DAAM2: variants seen among roughly 807,000 people sequenced by gnomAD.
The protein encoded by DAAM2 is disheveled-associated activator of morphogenesis 2.
A neutral mutation model predicts 120.7 loss-of-function variants in DAAM2; 39 were observed. The observed-to-expected ratio is 0.32, with a 90% CI of 0.25 to 0.42. DAAM2 has a LOEUF of 0.42. Among genes scored for constraint, DAAM2 ranks in the 10% least tolerant of loss-of-function variants. DAAM2 has a pLI of 1.00. For synonymous variants in DAAM2, 488 were observed against 524.9 expected, an observed-to-expected ratio of 0.93 and a Z score of 0.96; for missense variants, 1,283 against 1,401.7, an observed-to-expected ratio of 0.92 and a Z score of 1.35.
intron 1 of DAAM2, among the ~76,000 whole-genome samples, chr6:39,813,811 C>A (rs143724369): frequency 6.6e-6 from 1 of 152,318 alleles, no homozygotes; most frequent in African/African-American, 2.4e-5. Context: ...TTTCTCTCCA[C>A]ATACATTGTA....
In DAAM2 at chr6:39,891,380, C is replaced by A; in HGVS notation, c.2185C>A (p.Leu729Met). The A allele has an allele frequency of 6.2e-7, 1 of 1,611,408 alleles. No individual in the cohort carries two copies. Reference protein sequence around the residue: ...FIPEKSDIDLLEEHKHEIERM... With the variant: ...FIPEKSDIDLMEEHKHEIERM... ...CCCAGAGAAGAGTGACATTGACCTC[C>A]TGGAGGAGCACAAGCATGAAATTGA... is the stretch of plus-strand genomic sequence containing the variant. The change falls in exon 18 of 25, where the codon CTG becomes ATG. Residue 729 changes from leucine (L) to methionine (M), a missense_variant. Coordinates refer to ENST00000274867, the MANE Select transcript of DAAM2 (RefSeq NM_001201427.2).
intron 19 of DAAM2, among the ~76,000 whole-genome samples, chr6:39,893,726 C>T (rs1444520241): frequency 1.3e-5 from 2 of 152,144 alleles, no homozygotes; most frequent in African/African-American, 4.8e-5. Context: ...CCTCTAAGAG[C>T]TAGATAGGAA....
At chr6:39,867,431 CAGGTA>C in intron 5 of DAAM2, 74 bp from the exon 6 acceptor site, 1 of 1,395,452 alleles carries the variant, frequency 7.2e-7, no homozygotes, top group African/African-American at 1.4e-5. Flanking sequence ...TGGTGGTACA[CAGGTA>C]AGGGGGTAAC....
In DAAM2 at chr6:39,890,098, A is replaced by G. The variant is rs574318453; in HGVS notation, c.2146-1243A>G. On this transcript the variant is annotated intron_variant, in intron 17 of 24. Transcript: ENST00000274867. ...AGGTGAGATGGTGCCATTGCACTCC[A>G]GCCTGGGCAACAGAGTGAGACTCCA... Among the ~76,000 whole-genome samples, 5 of 152,050 alleles carry G rather than the reference A, an allele frequency of 3.3e-5. No homozygotes were observed. In the South Asian group the frequency reaches 1.0e-3, roughly 32 times the overall value.
intron 1 of DAAM2, among the ~76,000 whole-genome samples, chr6:39,816,684 A>G (rs1179734468): frequency 6.6e-6 from 1 of 152,184 alleles, no homozygotes; most frequent in Non-Finnish European, 1.5e-5. Flanking sequence ...GGATTTATTC[A>G]TTGAGAAGAA....
In DAAM2 at chr6:39,878,019, A is replaced by G. The variant is rs1445016005; in HGVS notation, c.1302-184A>G. On this transcript the variant is annotated intron_variant, in intron 11 of 24. Coordinates refer to ENST00000274867, the MANE Select transcript of DAAM2 (RefSeq NM_001201427.2). This position sits in a 1 kb window ranked among gnomAD's most constrained non-coding sequence, Gnocchi z 5.0. The stretch of plus-strand genomic sequence containing the variant: ...TTTCTCTCACGGTCTCCACAGACAC[A>G]TAATGTGAACGGGGCAGGGGACCTG... 6.6e-6 allele frequency among the ~76,000 whole-genome samples: 1 copy of G among 152,172 alleles called. No homozygotes were observed. Among genetic ancestry groups the G allele is most frequent in the African/African-American group, 2.4e-5 (1 of 41,452 alleles).
In DAAM2 at chr6:39,855,916, G is replaced by A. The variant is rs538612656; in HGVS notation, c.-56-331G>A. 8.3e-6 allele frequency: 4 copies of A among 482,958 alleles called. No homozygotes were observed. The South Asian group carries it at 2.6e-4, about 32-fold the overall frequency. The allele number at this position is 482,958 out of a possible 1,614,324, so 29.9% of individuals were successfully genotyped here. On this transcript the variant is annotated intron_variant, in intron 1 of 24. Transcript: ENST00000274867. ...ATAGGAGCCCGTCCACACATTTATG[G>A]AAAGTCAGCTCTGGTCACATGGAAG...
rs73428542 is a variant in DAAM2, at chr6:39,818,303, C to T, written c.-57+25838C>T. Among the ~76,000 whole-genome samples the T allele has an allele frequency of 7.4e-3, 1,120 of 152,008 alleles. 12 individuals carry two copies. Among genetic ancestry groups the T allele is most frequent in the African/African-American group, 0.025 (1,043 of 41,432 alleles). ...ACCCTTCATATTTTCAGCGAATGGG[C>T]CAAAGTTAGCCACATGACTCCACCC... On this transcript the variant is annotated intron_variant, in intron 1 of 24. Coordinates refer to ENST00000274867, the MANE Select transcript of DAAM2 (RefSeq NM_001201427.2).
In DAAM2 at chr6:39,887,589, C is replaced by T. The variant is rs891415844; in HGVS notation, c.2057C>T (p.Ser686Phe). The T allele has an allele frequency of 6.6e-5, 107 of 1,609,032 alleles. No individual in the cohort carries two copies. The highest frequency in any genetic ancestry group is 8.7e-5 in the Non-Finnish European group (102 of 1,175,914). ...GCCCAAAACTGCATCATCCTTCTTT[C>T]CAAGTATGTGCAAAAGAAGGTGGTT... ...RRAQNCIILL[S>F]KLKLSNEEIR... Residue 686 changes from serine (S) to phenylalanine (F), a missense_variant, in exon 16 of 25, where the codon TCC becomes TTC. Around this residue, in one of 3 missense-constraint regions of DAAM2, gnomAD observed 748 missense variants for 768.6 expected, o/e 0.97. Coordinates refer to ENST00000274867, the MANE Select transcript of DAAM2 (RefSeq NM_001201427.2).
chr6:39,850,658 A>G (rs569555261), intron 1 of DAAM2, among the ~76,000 whole-genome samples: 15 of 152,256 alleles, frequency 9.9e-5, no homozygotes, highest in African/African-American at 3.6e-4. Context: ...GAGACTCTTA[A>G]TGTCATCATC....
Position 39,898,900 on chromosome 6 carries a change from T to C in DAAM2, c.2642T>C (p.Val881Ala), listed in dbSNP as rs969435231. 1.2e-6 allele frequency: 2 copies of C among 1,612,588 alleles called. No homozygotes were observed. Among genetic ancestry groups the C allele is most frequent in the Middle Eastern group, 3.3e-4 (2 of 6,062 alleles). ...KVNLAELEKE[V>A]GNLRRGLRAV... The stretch of plus-strand genomic sequence containing the variant: ...AGCCTAGCAGAACTGGAGAAGGAGG[T>C]GGGCAACCTCAGGAGGGGCCTGAGA... The change falls in exon 22 of 25, where the codon GTG becomes GCG. Residue 881 changes from valine to alanine, a missense_variant. Val to Ala is a moderately conservative substitution (Grantham distance 64). Coordinates refer to ENST00000274867, the MANE Select transcript of DAAM2 (RefSeq NM_001201427.2).
chr6:39,892,422 G>C (rs1192016871), intron 19 of DAAM2, among the ~76,000 whole-genome samples: 2 of 152,146 alleles, frequency 1.3e-5, no homozygotes, highest in Non-Finnish European at 2.9e-5. Flanking sequence ...GTGGAACCAG[G>C]GTAGGAATGC....
chr6:39,887,264 C>T, intron 15 of DAAM2: 1 of 483,120 alleles, frequency 2.1e-6, no homozygotes, highest in Non-Finnish European at 3.7e-6. Context: ...AGGGGGGCTT[C>T]TCGGTGTCCT....
intron 19 of DAAM2, among the ~76,000 whole-genome samples, chr6:39,896,194 TTTTTTTC>T (rs59746007): frequency 1.6e-4 from 24 of 149,008 alleles, no homozygotes; most frequent in South Asian, 4.3e-4. Context: ...CTGAATAATC[TTTTTTTC>T]TTTTTTCTTT....
chr6:39,842,529 A>T (rs1049156625), intron 1 of DAAM2, among the ~76,000 whole-genome samples: 12 of 152,262 alleles, frequency 7.9e-5, no homozygotes, highest in Admixed American at 3.9e-4. Flanking sequence ...GCTACTTGGG[A>T]GGCTGAGGCA....
intron 1 of DAAM2, among the ~76,000 whole-genome samples, chr6:39,839,675 G>T (rs1429728009): frequency 6.6e-6 from 1 of 152,210 alleles, no homozygotes; most frequent in African/African-American, 2.4e-5. Context: ...CAAGCTTAGA[G>T]CATGTGCAGG....
intron 1 of DAAM2, among the ~76,000 whole-genome samples, chr6:39,812,567 A>G (rs1272481785): frequency 6.6e-6 from 1 of 152,018 alleles, no homozygotes; most frequent in African/African-American, 2.4e-5. Context: ...TCTAGCCTCC[A>G]CAAACACTCA....
intron 2 of DAAM2, among the ~76,000 whole-genome samples, chr6:39,860,566 C>A (rs181123302): frequency 2.6e-4 from 40 of 152,236 alleles, no homozygotes; most frequent in Middle Eastern, 3.4e-3. Context: ...TTAAGAATGA[C>A]AAGGGATGGA....
In DAAM2 at chr6:39,894,422, A is replaced by T. The variant is rs542343619; in HGVS notation, c.2342-2390A>T. Among the ~76,000 whole-genome samples the T allele has an allele frequency of 2.0e-5, 3 of 152,322 alleles. No homozygotes were observed. In the South Asian group the frequency reaches 6.2e-4, roughly 32 times the overall value. On this transcript the variant is annotated intron_variant, in intron 19 of 24. Transcript: ENST00000274867. Reference sequence around the variant, plus strand: ...ATGCATATAGAAAAGTACACAAATCATAAGAGTCCTACTTGAAGAATTAAA... The same window carrying T: ...ATGCATATAGAAAAGTACACAAATCTTAAGAGTCCTACTTGAAGAATTAAA...
Sources: gnomAD v4.1 joint callset for allele counts (sites outside exome capture counted in the v4.1 genomes callset) on GRCh38, gnomAD v4.1.1 for gene constraint, gnomAD v4.1.1 regional missense constraint, Gnocchi (gnomAD v3.1) non-coding constraint, MANE v1.5 for transcripts, NCBI Gene and HGNC (gene_info 2026-07-23, HGNC 2026-07-21) for gene names.